Variants in COL1A1 observed in about 807,000 individuals in gnomAD.
The protein encoded by COL1A1 is collagen type I alpha 1 chain, also known as collagen alpha-1(I) chain.
Under a neutral mutation model 195.7 loss-of-function variants are expected in COL1A1, and 21 were observed. The observed-to-expected ratio is 0.11, with a 90% CI of 0.08 to 0.15. COL1A1 has a LOEUF of 0.15. Ranked by LOEUF, COL1A1 falls within the 10% of genes least tolerant of loss-of-function variation. The pLI is 1.00. For missense variants in COL1A1, 1,365 were observed against 2,051.0 expected (o/e 0.67, Z 6.46); for synonymous variants, 749 against 747.3 (o/e 1.00, Z -0.04).
In COL1A1 at chr17:50,189,388, C is replaced by T. The variant is rs779431392; in HGVS notation, c.2818G>A (p.Asp940Asn). 1 of 1,613,348 alleles carries T rather than the reference C, an allele frequency of 6.2e-7. No individual in the cohort carries two copies. ...PAGEKGSPGA[D>N]GPAGAPGTPG... is the part of the protein sequence containing the mutation. ...GAGCTGGCACTTACAGCAGGACCATCAGCACCAGGGGATCCTTTCTCGCCA... is the reference window on the plus strand; with the variant it reads ...GAGCTGGCACTTACAGCAGGACCATTAGCACCAGGGGATCCTTTCTCGCCA... Residue 940 changes from aspartate to asparagine, a missense_variant, in exon 39 of 51, where the codon GAT (aspartate) becomes AAT (asparagine). By Grantham distance (23) the Asp-to-Asn change is conservative. Coordinates refer to ENST00000225964, the MANE Select transcript of COL1A1 (RefSeq NM_000088.4). This position sits in a 1 kb window ranked among gnomAD's most constrained non-coding sequence, Gnocchi z 5.5.
Position 50,186,281 on chromosome 17 carries a change from T to A in COL1A1, c.4005+36A>T, listed in dbSNP as rs1485612842. On this transcript the variant is annotated intron_variant, in intron 49 of 50. Transcript: ENST00000225964. The surrounding 1 kb of genome is among the most constrained non-coding windows in gnomAD (Gnocchi z 5.3). ...CCCTTCTGAGCACTGGGCTAGCCCATCTCCTAACACTGGCTCTGAGGTCCA... is the reference window on the plus strand; with the variant it reads ...CCCTTCTGAGCACTGGGCTAGCCCAACTCCTAACACTGGCTCTGAGGTCCA... The A allele has an allele frequency of 6.2e-7, 1 of 1,612,954 alleles. No homozygotes were observed. The highest frequency in any genetic ancestry group is 1.7e-5 in the Admixed American group (1 of 60,012).
At chr17:50,199,970 G>A (rs150723662) in intron 1 of COL1A1, 23 bp from the exon 2 acceptor site, 1 of 1,612,784 alleles carries the variant, frequency 6.2e-7, no homozygotes, top group Non-Finnish European at 8.5e-7. Context: ...GAAGAGGGGC[G>A]TTGTCAGTAG....
At position 50,189,285 on chromosome 17, in the gene COL1A1, G is replaced by A. The variant is rs1906854627; in HGVS notation, c.2830-10C>T. On this transcript the variant is annotated splice_polypyrimidine_tract_variant and intron_variant, in intron 39 of 50. Coordinates refer to ENST00000225964, the MANE Select transcript of COL1A1 (RefSeq NM_000088.4). This position sits in a 1 kb window ranked among gnomAD's most constrained non-coding sequence, Gnocchi z 5.5. ...GAGTACCAGGAGCACCCTTTGGGAG[G>A]CAAACAGGGGTGAGGTGCCAGAGAG... 6.2e-7 allele frequency: 1 copy of A among 1,613,914 alleles called. No homozygotes were observed. Among genetic ancestry groups the A allele is most frequent in the Non-Finnish European group, 8.5e-7 (1 of 1,179,922 alleles).
Position 50,185,113 on chromosome 17 carries a change from A to T in COL1A1, c.*389T>A, listed in dbSNP as rs1013616076. The T allele has an allele frequency of 5.9e-5, 17 of 287,058 alleles. No homozygotes were observed. Among genetic ancestry groups the T allele is most frequent in the Middle Eastern group, 1.1e-3 (1 of 934 alleles). 17.8% of individuals were successfully genotyped at this position (287,058 alleles called of 1,614,324 possible). ...ACAGATTTGGGAAGGAGTGGAGGGG[A>T]GGCCCCAAGGGGGGTGTGGAGAAAG... is the stretch of plus-strand genomic sequence containing the variant. On this transcript the variant is annotated 3_prime_UTR_variant, in exon 51 of 51. Coordinates refer to ENST00000225964, the MANE Select transcript of COL1A1 (RefSeq NM_000088.4).
At position 50,192,439 on chromosome 17, in the gene COL1A1, C is replaced by G. The variant is rs756183527; in HGVS notation, c.1983+36G>C. ...GGGGCCTGTCCCTCTGGATTCCCTGCATCTCCCACCCCTCTGGCCGGCTGC... is the reference window on the plus strand; with the variant it reads ...GGGGCCTGTCCCTCTGGATTCCCTGGATCTCCCACCCCTCTGGCCGGCTGC... On this transcript the variant is annotated intron_variant, in intron 29 of 50. Coordinates refer to ENST00000225964, the MANE Select transcript of COL1A1 (RefSeq NM_000088.4). 3.2e-6 allele frequency: 5 copies of G among 1,571,468 alleles called. No individual in the cohort carries two copies. In the Admixed American group the frequency reaches 9.4e-5, roughly 30 times the overall value.
chr17:50,185,035 T>G lies in COL1A1; in HGVS notation c.*467A>C. 4.2e-6 allele frequency: 1 copy of G among 237,966 alleles called. No individual in the cohort carries two copies. Among genetic ancestry groups the G allele is most frequent in the Non-Finnish European group, 8.2e-6 (1 of 121,326 alleles). 14.7% of individuals were successfully genotyped at this position (237,966 alleles called of 1,614,324 possible). A position where few individuals can be genotyped will look rare whatever the true frequency, so the allele number is the denominator to read the frequency against. On this transcript the variant is annotated 3_prime_UTR_variant, in exon 51 of 51. Coordinates refer to ENST00000225964, the MANE Select transcript of COL1A1 (RefSeq NM_000088.4). ...TGGGGGCCACTTGGGTGTTTGAGCA[T>G]TGCCTTTGATTGCTGGGCAGACAAT...
chr17:50,186,768 A>AGGTCAC lies in COL1A1; in HGVS notation c.3680_3685dup (p.Arg1227_Asp1228dup). ...GCTCTTGAGGGTGGTGTCCACCTCG[A>AGGTCAC]GGTCACGGTCACGAACCACATTGGC... is the stretch of plus-strand genomic sequence containing the variant. On this transcript the variant is annotated inframe_insertion, in exon 48 of 51. Coordinates refer to ENST00000225964, the MANE Select transcript of COL1A1 (RefSeq NM_000088.4). The surrounding 1 kb of genome is among the most constrained non-coding windows in gnomAD (Gnocchi z 5.3). The AGGTCAC allele has an allele frequency of 6.2e-7, 1 of 1,614,034 alleles. No homozygotes were observed. The highest frequency in any genetic ancestry group is 8.5e-7 in the Non-Finnish European group (1 of 1,180,026).
At position 50,199,321 on chromosome 17, in the gene COL1A1, C is replaced by A. The variant is rs1424117367; in HGVS notation, c.376G>T (p.Ala126Ser). 5.8e-6 allele frequency: 9 copies of A among 1,556,206 alleles called. No homozygotes were observed. Among genetic ancestry groups the A allele is most frequent in the Admixed American group, 3.8e-5 (2 of 52,532 alleles). The change falls in exon 5 of 51, where the codon GCA becomes TCA. Residue 126 changes from alanine (A) to serine (S), a missense_variant. Coordinates refer to ENST00000225964, the MANE Select transcript of COL1A1 (RefSeq NM_000088.4). ...ATGCCATCTCGGCCAGGGGGGCCTG[C>A]GGGTCCCTGCAGGGGGAGAGGGCGG... ...DTGPRGPRGP[A>S]GPPGRDGIPG...
intron 11 of COL1A1, 128 bp downstream of exon 11, chr17:50,196,882 C>G: frequency 6.7e-6 from 8 of 1,197,584 alleles, no homozygotes; most frequent in Non-Finnish European, 8.6e-6. Flanking sequence ...TGTCCACTCT[C>G]TGTCCCTTGG....
intron 28 of COL1A1, 44 bp from the exon 29 acceptor site, chr17:50,192,572 T>A (rs758806251): frequency 6.8e-6 from 11 of 1,613,974 alleles, no homozygotes; most frequent in East Asian, 6.7e-5. Flanking sequence ...AGGTTTAGAA[T>A]CTGGAAGAGA....
intron 29 of COL1A1, 162 bp downstream of exon 29, chr17:50,192,313 G>T: frequency 1.2e-6 from 1 of 846,076 alleles, no homozygotes; most frequent in Non-Finnish European, 1.9e-6. Flanking sequence ...CAATCATGCA[G>T]CCCCCACTTC....
At chr17:50,193,352 T>G in intron 25 of COL1A1, 3 of 506,980 alleles carry the variant, frequency 5.9e-6, no homozygotes, top group Non-Finnish European at 1.1e-5. Context: ...AGACTGGGGG[T>G]GCCTATCATA....
chr17:50,201,192 G>T lies in COL1A1; in HGVS notation c.103+219C>A, dbSNP rs542615921. Among the ~76,000 whole-genome samples, 8 of 152,188 alleles carry T rather than the reference G, an allele frequency of 5.3e-5. No individual in the cohort carries two copies. In the South Asian group the frequency reaches 1.7e-3, roughly 32 times the overall value. ...TCTCTCTTGCACCAACTCACGCCGC[G>T]CTCCACCCTCACCTCCCGCTCCCGG... On this transcript the variant is annotated intron_variant, in intron 1 of 50. Coordinates refer to ENST00000225964, the MANE Select transcript of COL1A1 (RefSeq NM_000088.4).
At chr17:50,200,236 G>T in intron 1 of COL1A1, 1 of 455,832 alleles carries the variant, frequency 2.2e-6, no homozygotes, top group Non-Finnish European at 4.1e-6. Context: ...CTGAAGCCAA[G>T]TGAAATAAAA....
At chr17:50,200,216 C>T (rs1326518959) in intron 1 of COL1A1, 1 of 531,630 alleles carries the variant, frequency 1.9e-6, no homozygotes, top group Non-Finnish European at 3.4e-6. Flanking sequence ...CCAACCTCAG[C>T]CCATTGGCGC....
At chr17:50,187,572 G>T (rs1300364471) in intron 45 of COL1A1, 35 bp from the exon 46 acceptor site, 18 of 1,611,384 alleles carry the variant, frequency 1.1e-5, no homozygotes, top group Admixed American at 1.7e-5. Flanking sequence ...TTCAGGCCCA[G>T]TGAGCGTCAA....
At chr17:50,192,190 T>C in intron 29 of COL1A1, 166 bp from the exon 30 acceptor site, 6 of 808,504 alleles carry the variant, frequency 7.4e-6, no homozygotes, top group Non-Finnish European at 1.2e-5. Context: ...CTCCTAGGGA[T>C]GTGTCAAAGG....
chr17:50,186,353 A>G lies in COL1A1; in HGVS notation c.3969T>C (p.His1323=), dbSNP rs957125158. Residue 1323 remains histidine, a synonymous_variant, in exon 49 of 51, where the codon CAT becomes CAC. Transcript: ENST00000225964. This position sits in a 1 kb window ranked among gnomAD's most constrained non-coding sequence, Gnocchi z 5.3. ...YISKNPKDKR[H]VWFGESMTDG... ...CGGTCATGCTCTCGCCGAACCAGAC[A>G]TGCCTCTTGTCCTTGGGGTTCTTGC... 6 of 1,614,058 alleles carry G rather than the reference A, an allele frequency of 3.7e-6. No homozygotes were observed. Among genetic ancestry groups the G allele is most frequent in the East Asian group, 2.2e-5 (1 of 44,894 alleles).
intron 9 of COL1A1, 134 bp from the exon 10 acceptor site, chr17:50,197,367 T>C (rs1907689126): frequency 1.1e-6 from 1 of 872,468 alleles, no homozygotes; most frequent in African/African-American, 1.7e-5. Context: ...TATCTTTGAA[T>C]CTAGAGCTCA....
Sources: allele counts gnomAD v4.1 joint callset (sites outside exome capture counted in the v4.1 genomes callset), GRCh38; gene constraint gnomAD v4.1.1; non-coding constraint Gnocchi (gnomAD v3.1); transcripts MANE v1.5; gene names NCBI Gene and HGNC (gene_info 2026-07-23, HGNC 2026-07-21).